The following UPP2 variants were observed in gnomAD, a reference collection of about 807,000 sequenced individuals.
UPP2 encodes the protein UPase 2.
Under a neutral mutation model 26.7 loss-of-function variants are expected in UPP2, and 23 were observed. That is an observed-to-expected ratio of 0.86 (90% CI 0.62 to 1.22). The LOEUF (loss-of-function observed/expected upper bound fraction) is 1.22, where lower values mean the gene tolerates loss of function less well. Among genes scored for constraint, UPP2 ranks in the 50% most tolerant of loss-of-function variants. The pLI, the probability that UPP2 is intolerant of heterozygous loss-of-function variation, is 0.00. For missense variants in UPP2, 387 were observed against 396.7 expected (o/e 0.98, Z 0.21); for synonymous variants, 127 against 141.3 (o/e 0.90, Z 0.72).
At chr2:158,114,250 T>C (rs1683376578) in intron 2 of UPP2, among the ~76,000 whole-genome samples, 1 of 152,178 alleles carries the variant, frequency 6.6e-6, no homozygotes, top group South Asian at 2.1e-4. Context: ...CTGTGGCCTG[T>C]GCTTCCTCCT....
chr2:158,063,344 C>T (rs1475396549), intron 3 of UPP2, among the ~76,000 whole-genome samples: 1 of 152,210 alleles, frequency 6.6e-6, no homozygotes, highest in Non-Finnish European at 1.5e-5. Context: ...ATTCTTATTA[C>T]ACAGAGCAGT....
rs143213496 is a variant in UPP2, at chr2:158,095,784, G to GT, written c.148-6246dup. Among the ~76,000 whole-genome samples, 615 of 147,880 alleles carry GT rather than the reference G, an allele frequency of 4.2e-3. 5 individuals are homozygous for GT. Among genetic ancestry groups the GT allele is most frequent in the African/African-American group, 0.013 (528 of 40,604 alleles). On this transcript the variant is annotated intron_variant, in intron 3 of 9. Transcript: ENST00000605860. ...CACTGTTGTTACTGACATTCTTCCTGTTTTTTTTTTCATTATTTTTCCTTA... is the reference window on the plus strand; with the variant it reads ...CACTGTTGTTACTGACATTCTTCCTGTTTTTTTTTTTCATTATTTTTCCTTA...
chr2:158,041,629 T>C (rs1329668774), intron 3 of UPP2, among the ~76,000 whole-genome samples: 4 of 152,196 alleles, frequency 2.6e-5, no homozygotes, highest in Non-Finnish European at 5.9e-5. Flanking sequence ...CTCATGGGAG[T>C]GACCAACAAA....
intron 4 of UPP2, among the ~76,000 whole-genome samples, chr2:158,119,420 G>A (rs1353496087): frequency 6.6e-6 from 1 of 152,022 alleles, no homozygotes; most frequent in Non-Finnish European, 1.5e-5. Flanking sequence ...CCAAAAAGAT[G>A]TATTTGCTTA....
intron 3 of UPP2, among the ~76,000 whole-genome samples, chr2:158,074,694 C>CAT (rs1682601996): frequency 6.8e-6 from 1 of 147,494 alleles, no homozygotes; most frequent in African/African-American, 2.6e-5. Context: ...CCTTCATACA[C>CAT]ACACACACAC....
chr2:158,004,789 C>A (rs1222090504), intron 2 of UPP2, among the ~76,000 whole-genome samples: 1 of 152,076 alleles, frequency 6.6e-6, no homozygotes, highest in African/African-American at 2.4e-5. Flanking sequence ...TTTTAGTAAC[C>A]TTTTGAGCCT....
At chr2:158,068,803 T>TATATATCTATA (rs1491232938) in intron 3 of UPP2, among the ~76,000 whole-genome samples, 1 of 14,002 alleles carries the variant, frequency 7.1e-5, no homozygotes, top group Admixed American at 1.6e-3. Context: ...TATATATATA[T>TATATATCTATA]TTTTTTTTTT....
In UPP2 at chr2:158,091,541, A is replaced by G. The variant is rs145683230; in HGVS notation, c.148-10499A>G. On this transcript the variant is annotated intron_variant, in intron 3 of 9. Transcript: ENST00000605860. Reference sequence around the variant, plus strand: ...AACGAAAAATCTCAATGCATGGTATATTTGTTACCCTGTTGCCACAATAAT... The same window carrying G: ...AACGAAAAATCTCAATGCATGGTATGTTTGTTACCCTGTTGCCACAATAAT... Among the ~76,000 whole-genome samples the G allele has an allele frequency of 1.8e-3, 272 of 152,344 alleles. 2 individuals carry two copies. Among genetic ancestry groups the G allele is most frequent in the African/African-American group, 6.2e-3 (257 of 41,584 alleles).
chr2:158,118,955 A>G (rs1005931351), intron 4 of UPP2, among the ~76,000 whole-genome samples: 11 of 152,034 alleles, frequency 7.2e-5, no homozygotes, highest in African/African-American at 2.7e-4. Context: ...TACATCTGGG[A>G]GAAAGTAGGA....
chr2:158,096,246 TTTTCA>T (rs1400704557), intron 3 of UPP2, among the ~76,000 whole-genome samples: 4 of 152,220 alleles, frequency 2.6e-5, no homozygotes, highest in African/African-American at 9.6e-5. Context: ...AGTAAAGTTC[TTTTCA>T]TTTGGATGTT....
upstream of UPP2, among the ~76,000 whole-genome samples, chr2:158,098,709 G>T (rs143496071): frequency 6.6e-6 from 1 of 152,108 alleles, no homozygotes; most frequent in Non-Finnish European, 1.5e-5. Flanking sequence ...TTGGATGAAC[G>T]CGTATCTAAA....
At chr2:158,126,006 G>A (rs926434635) in intron 6 of UPP2, among the ~76,000 whole-genome samples, 10 of 152,150 alleles carry the variant, frequency 6.6e-5, no homozygotes, top group African/African-American at 2.4e-4. Flanking sequence ...TCAACATGTT[G>A]CCTTCATGAA....
At chr2:158,060,930 GTC>G (rs1463887794) in intron 3 of UPP2, among the ~76,000 whole-genome samples, 7 of 152,142 alleles carry the variant, frequency 4.6e-5, no homozygotes, top group Non-Finnish European at 1.5e-5. Context: ...AAGTCACCCG[GTC>G]TATGGCATTT....
intron 3 of UPP2, among the ~76,000 whole-genome samples, chr2:158,020,946 T>G (rs1322070667): frequency 6.6e-6 from 1 of 152,180 alleles, no homozygotes; most frequent in Admixed American, 6.5e-5. Context: ...GATGCATGGC[T>G]TCAGAGAAAG....
At chr2:158,005,612 G>A (rs150705682) in intron 2 of UPP2, among the ~76,000 whole-genome samples, 30 of 152,338 alleles carry the variant, frequency 2.0e-4, no homozygotes, top group African/African-American at 7.0e-4. Flanking sequence ...GGAAGAATGG[G>A]AAGGAACGGG....
At chr2:158,010,755 C>T (rs961536918) in intron 2 of UPP2, among the ~76,000 whole-genome samples, 5 of 116,184 alleles carry the variant, frequency 4.3e-5, no homozygotes, top group African/African-American at 1.5e-4. Context: ...CATTAGCTCC[C>T]TCTTTTTCTT....
chr2:158,068,856 C>A (rs182063291), intron 3 of UPP2, among the ~76,000 whole-genome samples: 1,961 of 112,322 alleles, frequency 0.017, 68 homozygotes, highest in East Asian at 0.15. Flanking sequence ...CTCACTCTGT[C>A]ACCCAGGCTG....
chr2:158,124,681 T>C (rs887469702), intron 6 of UPP2, among the ~76,000 whole-genome samples: 11 of 152,140 alleles, frequency 7.2e-5, no homozygotes, highest in African/African-American at 1.7e-4. Flanking sequence ...TAGTGAGAAG[T>C]AGTCAGATTG....
chr2:158,065,867 TG>T, intron 3 of UPP2: 1 of 656,778 alleles, frequency 1.5e-6, no homozygotes. Flanking sequence ...TTGCAGGCCT[TG>T]GGAGAGCTCC....
Sources: allele counts gnomAD v4.1 joint callset (sites outside exome capture counted in the v4.1 genomes callset), GRCh38; gene constraint gnomAD v4.1.1; transcripts MANE v1.5; gene names NCBI Gene and HGNC (gene_info 2026-07-23, HGNC 2026-07-21).